NOL4: variants seen among roughly 807,000 people sequenced by gnomAD.
The protein encoded by NOL4 is cancer/testis antigen 125.
Under a neutral mutation model 75.9 loss-of-function variants are expected in NOL4, and 17 were observed. The observed-to-expected ratio is 0.22, with a 90% CI of 0.15 to 0.34. NOL4 has a LOEUF of 0.34. NOL4 is among the 10% of genes least tolerant of loss of function. NOL4 has a pLI of 1.00. For synonymous variants in NOL4, 292 were observed against 289.9 expected (o/e 1.01, Z -0.07); for missense variants, 614 against 793.5 (o/e 0.77, Z 2.72).
intron 6 of NOL4, among the ~76,000 whole-genome samples, chr18:33,993,233 T>C (rs915373346): frequency 1.3e-5 from 2 of 151,814 alleles, no homozygotes; most frequent in Non-Finnish European, 2.9e-5. Context: ...TTGTTGAAAA[T>C]AATAGAAATA....
chr18:34,104,319 G>A (rs960391596), intron 3 of NOL4, among the ~76,000 whole-genome samples, 160 bp from the exon 4 acceptor site: 7 of 151,892 alleles, frequency 4.6e-5, no homozygotes, highest in Non-Finnish European at 8.8e-5. Context: ...AACTAGTAAG[G>A]TTCTACAAAG....
At chr18:33,928,015 G>A (rs184578420) in intron 9 of NOL4, among the ~76,000 whole-genome samples, 49 of 152,228 alleles carry the variant, frequency 3.2e-4, no homozygotes, top group African/African-American at 1.1e-3. Flanking sequence ...AGTAACTAAT[G>A]GGTTTTAAAG....
chr18:33,905,009 C>T (rs2065951744), intron 9 of NOL4, among the ~76,000 whole-genome samples: 1 of 152,130 alleles, frequency 6.6e-6, no homozygotes, highest in South Asian at 2.1e-4. Context: ...ACTAATTTAA[C>T]TTGGAATAAG....
intron 9 of NOL4, among the ~76,000 whole-genome samples, chr18:33,909,940 G>T (rs191035031): frequency 5.3e-4 from 81 of 152,212 alleles, no homozygotes; most frequent in Non-Finnish European, 1.0e-3. Context: ...GTCTTTCTGA[G>T]AAAAACATGT....
At chr18:34,159,583 C>T (rs2031110176) in intron 1 of NOL4, among the ~76,000 whole-genome samples, 1 of 152,022 alleles carries the variant, frequency 6.6e-6, no homozygotes, top group African/African-American at 2.4e-5. Context: ...CTTGAGAGTC[C>T]CCTAGAGAGC....
chr18:34,010,026 A>G lies in NOL4; in HGVS notation c.1056+9292T>C, dbSNP rs533827381. Among the ~76,000 whole-genome samples the G allele has an allele frequency of 2.0e-5, 3 of 151,444 alleles. No homozygotes were observed. In the South Asian group the frequency reaches 6.3e-4, roughly 32 times the overall value. On this transcript the variant is annotated intron_variant, in intron 6 of 10. Transcript: ENST00000261592. ...TTGGGACTGAGTTTATGACTTGGCT[A>G]TTTTTTTTAACCTTGTCATCTGAGT... is the stretch of plus-strand genomic sequence containing the variant.
intron 2 of NOL4, among the ~76,000 whole-genome samples, chr18:34,117,241 A>G (rs140549213): frequency 8.5e-5 from 13 of 152,308 alleles, no homozygotes; most frequent in African/African-American, 2.6e-4. Flanking sequence ...CAGATGAGGG[A>G]GCTAAGCTTC....
chr18:34,022,380 CA>C (rs1258476126), intron 5 of NOL4, among the ~76,000 whole-genome samples: 1 of 151,846 alleles, frequency 6.6e-6, no homozygotes, highest in African/African-American at 2.4e-5. Context: ...AATAATATGA[CA>C]TTTTTTATTA....
intron 5 of NOL4, among the ~76,000 whole-genome samples, chr18:34,065,680 TA>T (rs1383221903): frequency 6.6e-6 from 1 of 151,996 alleles, no homozygotes; most frequent in South Asian, 2.1e-4. Context: ...AGCTTCATTT[TA>T]TTTTTTTATT....
At chr18:34,017,677 C>G (rs983276625) in intron 6 of NOL4, among the ~76,000 whole-genome samples, 1 of 152,118 alleles carries the variant, frequency 6.6e-6, no homozygotes, top group African/African-American at 2.4e-5. Context: ...TAACTATTTT[C>G]TATCTTCATC....
intron 10 of NOL4, among the ~76,000 whole-genome samples, chr18:33,864,620 A>C (rs902209634): frequency 1.3e-5 from 2 of 152,130 alleles, no homozygotes; most frequent in African/African-American, 4.8e-5. Context: ...AAACTGTTCC[A>C]ACTGCTGCCC....
At chr18:33,904,330 GT>G (rs1298482246) in intron 9 of NOL4, among the ~76,000 whole-genome samples, 3 of 151,876 alleles carry the variant, frequency 2.0e-5, no homozygotes, top group Admixed American at 6.6e-5. Context: ...CAAAAAGAGG[GT>G]ATATAAACGA....
At chr18:33,936,875 C>T (rs758292908) in intron 9 of NOL4, among the ~76,000 whole-genome samples, 10 of 152,050 alleles carry the variant, frequency 6.6e-5, no homozygotes, top group Non-Finnish European at 1.3e-4. Context: ...AAATCACCAA[C>T]AAGTAACTGG....
intron 1 of NOL4, among the ~76,000 whole-genome samples, chr18:34,222,776 G>A (rs1304565559): frequency 2.0e-5 from 3 of 152,158 alleles, no homozygotes; most frequent in Admixed American, 1.3e-4. Flanking sequence ...GAGGTGCGCT[G>A]CCGCTTTAAA....
intron 9 of NOL4, among the ~76,000 whole-genome samples, chr18:33,900,161 C>G (rs924325234): frequency 6.6e-6 from 1 of 152,052 alleles, no homozygotes; most frequent in African/African-American, 2.4e-5. Flanking sequence ...CTGGTGAGGT[C>G]TCAGAAAGCT....
In NOL4 at chr18:33,958,694, G is replaced by A. The variant is rs540008772; in HGVS notation, c.1057-276C>T. ...TTTTATTGAACTTAGCTATGCAAGA[G>A]CAATTAGTGTTTCCTCTCAATACTC... is the stretch of plus-strand genomic sequence containing the variant. On this transcript the variant is annotated intron_variant, in intron 6 of 10. Transcript: ENST00000261592. Among the ~76,000 whole-genome samples, 3 of 152,240 alleles carry A rather than the reference G, an allele frequency of 2.0e-5. No homozygotes were observed. The South Asian group carries it at 6.2e-4, about 32-fold the overall frequency.
chr18:34,000,675 G>T (rs2073631591), intron 6 of NOL4, among the ~76,000 whole-genome samples: 1 of 152,012 alleles, frequency 6.6e-6, no homozygotes, highest in Admixed American at 6.6e-5. Context: ...TTAAATCAAA[G>T]AATCCCAAAA....
chr18:34,110,042 G>A (rs2079508702), intron 2 of NOL4, among the ~76,000 whole-genome samples: 1 of 143,384 alleles, frequency 7.0e-6, no homozygotes, highest in South Asian at 2.3e-4. Flanking sequence ...CCCAGGACCT[G>A]ACGGCTTCAC....
At chr18:34,222,112 C>CT in intron 1 of NOL4, 1 of 1,534,280 alleles carries the variant, frequency 6.5e-7, no homozygotes. Context: ...ATCGACGCTG[C>CT]TGCGGCTCCC....
Sources: gnomAD v4.1 joint callset for allele counts (sites outside exome capture counted in the v4.1 genomes callset) on GRCh38, gnomAD v4.1.1 for gene constraint, MANE v1.5 for transcripts, NCBI Gene and HGNC (gene_info 2026-07-23, HGNC 2026-07-21) for gene names.